Variants in VWA8 observed in about 807,000 individuals in gnomAD.
VWA8 encodes von Willebrand factor A domain containing 8.
A neutral mutation model predicts 241.5 loss-of-function variants in VWA8; 221 were observed. The observed-to-expected ratio is 0.91, with a 90% CI of 0.82 to 1.02. VWA8 has a LOEUF of 1.02. Ranked by LOEUF, VWA8 falls within the 50% of genes least tolerant of loss-of-function variation. The pLI is 0.00. For missense variants in VWA8, 2,322 were observed against 2,328.7 expected (o/e 1.00, Z 0.06); for synonymous variants, 852 against 827.1 (o/e 1.03, Z -0.52).
intron 23 of VWA8, among the ~76,000 whole-genome samples, chr13:41,729,252 G>C (rs529862665): frequency 6.6e-6 from 1 of 151,998 alleles, no homozygotes; most frequent in South Asian, 2.1e-4. Flanking sequence ...AAATAATTGG[G>C]AGATGAGTAC....
chr13:41,844,144 A>C (rs568795815), intron 12 of VWA8, among the ~76,000 whole-genome samples: 39 of 152,340 alleles, frequency 2.6e-4, no homozygotes, highest in Middle Eastern at 6.8e-3. Context: ...CACCATGGTC[A>C]GGCAGGCTTT....
At chr13:41,744,579 T>C (rs1439908398) in intron 21 of VWA8, among the ~76,000 whole-genome samples, 1 of 144,706 alleles carries the variant, frequency 6.9e-6, no homozygotes, top group African/African-American at 2.5e-5. Context: ...AATGGCATTT[T>C]ATAAAACTAA....
In VWA8 at chr13:41,802,587, C is replaced by T. The variant is rs117904143; in HGVS notation, c.2063+8638G>A. 4.8e-3 allele frequency among the ~76,000 whole-genome samples: 733 copies of T among 152,330 alleles called. 7 individuals are homozygous for T. The highest frequency in any genetic ancestry group is 9.0e-3 in the Admixed American group (138 of 15,308). On this transcript the variant is annotated intron_variant, in intron 17 of 44. Transcript: ENST00000379310. ...CTTGCAGCTCTGGCAGAGATTCCTT[C>T]CACTGAAGGAAAGGAGAGGGGAGAG...
intron 12 of VWA8, chr13:41,864,707 CAG>C: frequency 1.4e-5 from 5 of 346,262 alleles, no homozygotes; most frequent in South Asian, 1.2e-4. Context: ...TTAATGAGTA[CAG>C]AGTTTTTGTT....
chr13:41,907,748 T>C (rs978549991), intron 3 of VWA8, 52 bp from the exon 4 acceptor site: 16 of 1,528,754 alleles, frequency 1.0e-5, no homozygotes, highest in Admixed American at 1.7e-5. Flanking sequence ...ATTTCCAGCA[T>C]ATGATTTGGA....
Position 41,881,371 on chromosome 13 carries a change from C to CGGGGGGG in VWA8, c.1080+2015_1080+2016insCCCCCCC, listed in dbSNP as rs1491104127. On this transcript the variant is annotated intron_variant, in intron 9 of 44. Transcript: ENST00000379310. ...ACTAGAACATCATAGTTTTTTTTTG[C>CGGGGGGG]CGGGGGGGGGGGGGGGGGGGTAAGG... Among the ~76,000 whole-genome samples the CGGGGGGG allele has an allele frequency of 1.7e-3, 19 of 10,968 alleles. 1 individual carries two copies. Among genetic ancestry groups the CGGGGGGG allele is most frequent in the Admixed American group, 7.0e-3 (4 of 572 alleles). The allele number at this position is 10,968 out of a possible 152,430, so 7.2% of individuals were successfully genotyped here. A position where few individuals can be genotyped will look rare whatever the true frequency, so the allele number is the denominator to read the frequency against.
In VWA8 at chr13:41,664,249, A is replaced by T. The variant is rs187578666; in HGVS notation, c.4611+6697T>A. ...TCTTTGATTTTCTCTTTAGTTTCCA[A>T]TGCTGCTTTGGAGAAACCCAGTGCC... On this transcript the variant is annotated intron_variant, in intron 37 of 44. Coordinates refer to ENST00000379310, the MANE Select transcript of VWA8 (RefSeq NM_015058.2). Among the ~76,000 whole-genome samples, 34 of 152,138 alleles carry T rather than the reference A, an allele frequency of 2.2e-4. 1 individual carries two copies. Among genetic ancestry groups the T allele is most frequent in the Admixed American group, 1.8e-3 (28 of 15,272 alleles).
intron 2 of VWA8, among the ~76,000 whole-genome samples, chr13:41,914,872 TTTA>T (rs1446760992): frequency 6.6e-6 from 1 of 152,198 alleles, no homozygotes; most frequent in Non-Finnish European, 1.5e-5. Context: ...CCTCCCACCT[TTTA>T]TTATTTATGA....
At chr13:41,583,049 A>G (rs1031729604) in intron 42 of VWA8, among the ~76,000 whole-genome samples, 4 of 152,166 alleles carry the variant, frequency 2.6e-5, no homozygotes, top group Non-Finnish European at 5.9e-5. Flanking sequence ...TCTGAGAGGG[A>G]TCCTGGATCC....
chr13:41,801,028 G>T (rs188112836), intron 17 of VWA8, among the ~76,000 whole-genome samples: 1 of 151,952 alleles, frequency 6.6e-6, no homozygotes, highest in Admixed American at 6.6e-5. Context: ...AATTGTAACT[G>T]AATTGGTAAT....
intron 37 of VWA8, among the ~76,000 whole-genome samples, chr13:41,640,733 T>A (rs1333006886): frequency 6.6e-6 from 1 of 152,196 alleles, no homozygotes; most frequent in Non-Finnish European, 1.5e-5. Context: ...AAACAGAACA[T>A]ACAATACATT....
intron 20 of VWA8, among the ~76,000 whole-genome samples, chr13:41,768,810 T>A (rs1166393083): frequency 6.6e-6 from 1 of 152,110 alleles, no homozygotes; most frequent in African/African-American, 2.4e-5. Flanking sequence ...ACATCTTTCC[T>A]CTTTCAAAGA....
At chr13:41,710,481 A>T (rs2045309285) in intron 26 of VWA8, among the ~76,000 whole-genome samples, 1 of 152,344 alleles carries the variant, frequency 6.6e-6, no homozygotes, top group South Asian at 2.1e-4. Context: ...ATAATATGCC[A>T]AGAGAATATA....
chr13:41,590,790 C>G (rs199694055), intron 40 of VWA8, 25 bp from the exon 41 acceptor site: 1 of 1,612,296 alleles, frequency 6.2e-7, no homozygotes, highest in Middle Eastern at 1.7e-4. Flanking sequence ...CATACACACA[C>G]AAAGCCTTAA....
Position 41,739,865 on chromosome 13 carries a change from T to G in VWA8, c.2427-7710A>C, listed in dbSNP as rs1251965756. Among the ~76,000 whole-genome samples the G allele has an allele frequency of 9.5e-3, 1,265 of 132,758 alleles. 47 individuals are homozygous for G. The highest frequency in any genetic ancestry group is 0.033 in the African/African-American group (1,127 of 34,458). 87.1% of individuals were successfully genotyped at this position (132,758 alleles called of 152,430 possible). A position where few individuals can be genotyped will look rare whatever the true frequency, so the allele number is the denominator to read the frequency against. ...TTTTTTTTGTTTTTTTTGTTTTTTT[T>G]TTTTTTTGAGACAGAGTCTTGCTCT... On this transcript the variant is annotated intron_variant, in intron 21 of 44. Coordinates refer to ENST00000379310, the MANE Select transcript of VWA8 (RefSeq NM_015058.2).
intron 2 of VWA8, among the ~76,000 whole-genome samples, chr13:41,922,479 C>T (rs2138128317): frequency 6.6e-6 from 1 of 152,240 alleles, no homozygotes; most frequent in Middle Eastern, 3.4e-3. Flanking sequence ...AAAGAAACTA[C>T]CATCAGAGTG....
intron 37 of VWA8, among the ~76,000 whole-genome samples, chr13:41,655,180 C>A (rs2044895294): frequency 6.6e-6 from 1 of 151,900 alleles, no homozygotes; most frequent in Non-Finnish European, 1.5e-5. Context: ...ACCTCCGCCC[C>A]CTGGGTTCAA....
chr13:41,613,944 G>A (rs1445970586), intron 38 of VWA8, among the ~76,000 whole-genome samples: 1 of 152,188 alleles, frequency 6.6e-6, no homozygotes, highest in Non-Finnish European at 1.5e-5. Context: ...CCTCAATCTG[G>A]ACAGATACGT....
intron 3 of VWA8, among the ~76,000 whole-genome samples, chr13:41,908,655 AT>A (rs1875842667): frequency 1.3e-5 from 2 of 152,322 alleles, no homozygotes; most frequent in South Asian, 2.1e-4. Context: ...AATCAAAAAA[AT>A]CATGAGATTT....
Sources: allele counts gnomAD v4.1 joint callset (sites outside exome capture counted in the v4.1 genomes callset), GRCh38; gene constraint gnomAD v4.1.1; transcripts MANE v1.5; gene names NCBI Gene and HGNC (gene_info 2026-07-23, HGNC 2026-07-21).